The following TRERF1 variants were observed in gnomAD, a reference collection of about 807,000 sequenced individuals.
The protein encoded by TRERF1 is transcriptional-regulating factor 1.
TRERF1 carries 27 observed loss-of-function variants against 122.9 expected under a neutral mutation model. That is an observed-to-expected ratio of 0.22 (90% CI 0.16 to 0.30). The LOEUF is 0.30. TRERF1 is among the 10% of genes least tolerant of loss of function. The probability of loss-of-function intolerance (pLI) is 1.00; values close to 1 mark genes in which losing one functional copy is unlikely to be tolerated. For missense variants in TRERF1, 1,248 were observed against 1,560.3 expected (o/e 0.80, Z 3.37); for synonymous variants, 636 against 641.7 (o/e 0.99, Z 0.13).
At chr6:42,317,155 C>A (rs1041963939) in intron 3 of TRERF1, among the ~76,000 whole-genome samples, 2 of 152,008 alleles carry the variant, frequency 1.3e-5, no homozygotes, top group Non-Finnish European at 1.5e-5. Flanking sequence ...CCGTAGAACA[C>A]CCTAGCCTCT....
At chr6:42,387,431 C>T (rs1207608934) in intron 2 of TRERF1, among the ~76,000 whole-genome samples, 1 of 152,224 alleles carries the variant, frequency 6.6e-6, no homozygotes. Context: ...CCCTACCTAC[C>T]AGCCTTTACC....
At chr6:42,296,684 A>C (rs1785165667) in intron 4 of TRERF1, among the ~76,000 whole-genome samples, 1 of 152,192 alleles carries the variant, frequency 6.6e-6, no homozygotes, top group South Asian at 2.1e-4. Context: ...CGCCACCATG[A>C]AAAAGAAAAA....
chr6:42,234,963 A>G (rs1771757516), intron 16 of TRERF1, among the ~76,000 whole-genome samples: 1 of 152,224 alleles, frequency 6.6e-6, no homozygotes, highest in African/African-American at 2.4e-5. Flanking sequence ...CATTATCGCA[A>G]TCATGCTGCA....
In TRERF1 at chr6:42,372,828, G is replaced by A. The variant is rs144242980; in HGVS notation, c.-453-9749C>T. Among the ~76,000 whole-genome samples, 5 of 152,336 alleles carry A rather than the reference G, an allele frequency of 3.3e-5. No homozygotes were observed. In the East Asian group the frequency reaches 9.6e-4, roughly 29 times the overall value. ...TCCCAAGCAGTGGGCCAGCACACAC[G>A]TGGCACTGACCACAGGGTGGGTGGG... On this transcript the variant is annotated intron_variant, in intron 2 of 17. Coordinates refer to ENST00000372922, the Ensembl canonical transcript of TRERF1.
At chr6:42,248,176 C>T (rs1775133178) in intron 13 of TRERF1, among the ~76,000 whole-genome samples, 1 of 152,076 alleles carries the variant, frequency 6.6e-6, no homozygotes, top group South Asian at 2.1e-4. Flanking sequence ...GAATATATGG[C>T]TCAGTGACAT....
intron 2 of TRERF1, among the ~76,000 whole-genome samples, chr6:42,366,842 C>T (rs1245206510): frequency 6.6e-6 from 1 of 152,176 alleles, no homozygotes; most frequent in Non-Finnish European, 1.5e-5. Context: ...AGGTGAAAAT[C>T]AGCAAAACAC....
intron 4 of TRERF1, among the ~76,000 whole-genome samples, chr6:42,277,974 A>AGAC (rs1554141826): frequency 2.0e-4 from 30 of 147,118 alleles, no homozygotes; most frequent in Non-Finnish European, 3.6e-4. Flanking sequence ...AAGAAGAAGA[A>AGAC]GACTGCAATA....
Position 42,291,456 on chromosome 6 carries a change from A to C in TRERF1, c.-259+9182T>G, listed in dbSNP as rs567660207. ...GAAGCTGATGCACTTTACACTAAAAAAAAAAAAAAAAGGTTCTAGGCTTAA... is the reference window on the plus strand; with the variant it reads ...GAAGCTGATGCACTTTACACTAAAACAAAAAAAAAAAGGTTCTAGGCTTAA... On this transcript the variant is annotated intron_variant, in intron 4 of 17. Transcript: ENST00000372922. Among the ~76,000 whole-genome samples, 11 of 152,134 alleles carry C rather than the reference A, an allele frequency of 7.2e-5. No homozygotes were observed. The South Asian group carries it at 1.7e-3, about 23-fold the overall frequency.
chr6:42,270,559 G>T (rs1468822964), intron 4 of TRERF1, among the ~76,000 whole-genome samples: 1 of 152,104 alleles, frequency 6.6e-6, no homozygotes, highest in African/African-American at 2.4e-5. Flanking sequence ...TAAGACATAG[G>T]CCTGCTCTCA....
chr6:42,296,066 C>T (rs1223656378), intron 4 of TRERF1, among the ~76,000 whole-genome samples: 1 of 152,076 alleles, frequency 6.6e-6, no homozygotes, highest in African/African-American at 2.4e-5. Context: ...GATCTGGGGG[C>T]CCTGCAAGGG....
intron 2 of TRERF1, among the ~76,000 whole-genome samples, chr6:42,410,071 C>A (rs1582066540): frequency 1.3e-5 from 2 of 152,152 alleles, no homozygotes; most frequent in Admixed American, 1.3e-4. Flanking sequence ...TTTATGATTT[C>A]TTTCTATTAA....
At chr6:42,420,844 T>C (rs953087223) in intron 2 of TRERF1, among the ~76,000 whole-genome samples, 1 of 152,156 alleles carries the variant, frequency 6.6e-6, no homozygotes, top group Non-Finnish European at 1.5e-5. Flanking sequence ...CCCACTGAGG[T>C]AGAAGAAGGT....
intron 2 of TRERF1, among the ~76,000 whole-genome samples, chr6:42,378,933 T>C (rs540261500): frequency 6.6e-6 from 1 of 152,104 alleles, no homozygotes; most frequent in East Asian, 1.9e-4. Flanking sequence ...CTGGACAACA[T>C]AGTAAGACAC....
At chr6:42,435,606 A>T (rs1785190593) in intron 2 of TRERF1, among the ~76,000 whole-genome samples, 1 of 152,182 alleles carries the variant, frequency 6.6e-6, no homozygotes. Flanking sequence ...ATGTACAAGG[A>T]TATTTATCAA....
intron 3 of TRERF1, among the ~76,000 whole-genome samples, chr6:42,327,341 G>A (rs1400619325): frequency 1.3e-5 from 2 of 152,166 alleles, no homozygotes; most frequent in Non-Finnish European, 2.9e-5. Flanking sequence ...CCCTTTTACA[G>A]ATGGGTAAAA....
At chr6:42,299,200 TTCTA>T (rs70987591) in intron 4 of TRERF1, among the ~76,000 whole-genome samples, 8,092 of 146,664 alleles carry the variant, frequency 0.055, 255 homozygotes, top group Middle Eastern at 0.095. Context: ...GTCTGTTTTT[TTCTA>T]TCTATCTATC....
At chr6:42,402,260 A>G (rs1779495272) in intron 2 of TRERF1, among the ~76,000 whole-genome samples, 1 of 152,222 alleles carries the variant, frequency 6.6e-6, no homozygotes, top group Non-Finnish European at 1.5e-5. Flanking sequence ...GGTTGCCTGT[A>G]TTGCAGAGGG....
intron 12 of TRERF1, 105 bp downstream of exon 12, chr6:42,256,623 G>T: frequency 1.1e-6 from 1 of 926,546 alleles, no homozygotes; most frequent in Non-Finnish European, 1.7e-6. Flanking sequence ...GTCATCATGC[G>T]CCGATTGGTC....
intron 2 of TRERF1, among the ~76,000 whole-genome samples, chr6:42,435,082 G>A (rs1267404118): frequency 1.3e-5 from 2 of 151,722 alleles, no homozygotes; most frequent in Non-Finnish European, 2.9e-5. Flanking sequence ...AGTGAGCCGA[G>A]ATTGTACCAT....
Sources: allele counts gnomAD v4.1 joint callset (sites outside exome capture counted in the v4.1 genomes callset), GRCh38; gene constraint gnomAD v4.1.1; transcripts MANE v1.5; gene names NCBI Gene and HGNC (gene_info 2026-07-23, HGNC 2026-07-21).